STXBP2: variants seen among roughly 807,000 people sequenced by gnomAD.
STXBP2 encodes syntaxin-binding protein 2.
A neutral mutation model predicts 72.2 loss-of-function variants in STXBP2; 47 were observed. The ratio of observed to expected loss-of-function variants is 0.65; its 90% CI spans 0.51 to 0.83. The LOEUF (loss-of-function observed/expected upper bound fraction) is 0.83, where lower values mean the gene tolerates loss of function less well. Ranked by LOEUF, STXBP2 falls within the 40% of genes least tolerant of loss-of-function variation. The probability of loss-of-function intolerance (pLI) is 0.00; values close to 1 mark genes in which losing one functional copy is unlikely to be tolerated. For synonymous variants in STXBP2, 367 were observed against 338.7 expected, an observed-to-expected ratio of 1.08 and a Z score of -0.92; for missense variants, 702 against 807.6, an observed-to-expected ratio of 0.87 and a Z score of 1.58.
At position 7,637,140 on chromosome 19, in the gene STXBP2, C is replaced by T. The variant is rs558176280; in HGVS notation, c.-10C>T. The T allele has an allele frequency of 1.5e-5, 18 of 1,240,996 alleles. No homozygotes were observed. In the East Asian group the frequency reaches 2.5e-4, roughly 17 times the overall value. The allele number at this position is 1,240,996 out of a possible 1,614,324, so 76.9% of individuals were successfully genotyped here. ...ACACCCGGAAGCGGCGGCGGCGCCC[C>T]TCGGGGAAGATGGCGCCCTCGGGGC... is the stretch of plus-strand genomic sequence containing the variant. On this transcript the variant is annotated 5_prime_UTR_variant, in exon 1 of 19. Transcript: ENST00000221283.
rs112329192 is a variant in STXBP2 at position 7,646,871 on chromosome 19, C to T, written c.1453-291C>T. 5,135 of 544,326 alleles carry T rather than the reference C, an allele frequency of 9.4e-3. 223 individuals are homozygous for T. The highest frequency in any genetic ancestry group is 0.087 in the African/African-American group (4,621 of 52,848). The allele number at this position is 544,326 out of a possible 1,614,324, so 33.7% of individuals were successfully genotyped here. A position where few individuals can be genotyped will look rare whatever the true frequency, so the allele number is the denominator to read the frequency against. On this transcript the variant is annotated intron_variant, in intron 16 of 18. Coordinates refer to ENST00000221283, the MANE Select transcript of STXBP2 (RefSeq NM_006949.4). Reference sequence around the variant, plus strand: ...GCTGGGGGTATTGACTGATGGTCCCCAAGGGCCTGGAGGCCCAGACTACTG... The same window carrying T: ...GCTGGGGGTATTGACTGATGGTCCCTAAGGGCCTGGAGGCCCAGACTACTG...
intron 4 of STXBP2, chr19:7,640,525 CGT>C (rs1158778625): frequency 1.5e-6 from 1 of 671,616 alleles, no homozygotes; most frequent in Admixed American, 2.1e-5. Flanking sequence ...TGTGTGCATG[CGT>C]GTGTATGTGT....
Position 7,642,641 on chromosome 19 carries a change from C to A in STXBP2, c.902+105C>A. ...CCAAGTCTTTGGCCCTCATGAGCAC[C>A]CCTCGTGTGACTCCAGACTGGCCTC... On this transcript the variant is annotated intron_variant, in intron 10 of 18. Coordinates refer to ENST00000221283, the MANE Select transcript of STXBP2 (RefSeq NM_006949.4). This position sits in a 1 kb window ranked among gnomAD's most constrained non-coding sequence, Gnocchi z 6.0. 6.7e-7 allele frequency: 1 copy of A among 1,498,714 alleles called. No homozygotes were observed. Among genetic ancestry groups the A allele is most frequent in the Non-Finnish European group, 9.3e-7 (1 of 1,079,918 alleles). 92.8% of individuals were successfully genotyped at this position (1,498,714 alleles called of 1,614,324 possible). A position where few individuals can be genotyped will look rare whatever the true frequency, so the allele number is the denominator to read the frequency against.
chr19:7,643,597 AATGGAGCCTTGGAGAG>A (rs2031984763), intron 13 of STXBP2, among the ~76,000 whole-genome samples: 2 of 112,164 alleles, frequency 1.8e-5, no homozygotes, highest in Non-Finnish European at 3.8e-5. Context: ...CTGGGAGAGG[AATGGAGCCTTGGAGAG>A]GTGGGACCTG....
Position 7,637,389 on chromosome 19 carries a change from TGGG to T in STXBP2, c.37+207_37+209del, listed in dbSNP as rs2031590029. 2.0e-5 allele frequency among the ~76,000 whole-genome samples: 3 copies of T among 151,632 alleles called. No individual in the cohort carries two copies. The South Asian group carries it at 6.3e-4, about 32-fold the overall frequency. On this transcript the variant is annotated intron_variant, in intron 1 of 18. Coordinates refer to ENST00000221283, the MANE Select transcript of STXBP2 (RefSeq NM_006949.4). ...CTCCGGTGCCAGAACAGAACAAAAT[TGGG>T]GGGCCGGACTCCGGGGACCCAAAGG...
At chr19:7,629,909 G>C in the STXBP2 span, 1 of 1,486,590 alleles carries the variant, frequency 6.7e-7, no homozygotes, top group Non-Finnish European at 8.9e-7. Context: ...GGATCTTCCT[G>C]GATCTGAAGA....
the STXBP2 span, chr19:7,630,393 T>G: frequency 1.7e-6 from 1 of 602,358 alleles, no homozygotes; most frequent in Non-Finnish European, 3.0e-6. Flanking sequence ...GCCTCCTGGA[T>G]TATAGGAGTT....
the STXBP2 span, chr19:7,630,460 C>T: frequency 3.7e-6 from 3 of 802,302 alleles, no homozygotes; most frequent in African/African-American, 1.7e-5. Flanking sequence ...ATTCTTGGGT[C>T]GGCCGTAACG....
At chr19:7,631,399 CGGGG>C in the STXBP2 span, 1 of 583,178 alleles carries the variant, frequency 1.7e-6, no homozygotes, top group Non-Finnish European at 2.4e-6. Context: ...GAGAGGTGGG[CGGGG>C]GGGGGTGGTC....
rs2031924729 is a variant in STXBP2, at chr19:7,642,387, C to G, written c.795-42C>G. 1.1e-5 allele frequency: 17 copies of G among 1,613,262 alleles called. No homozygotes were observed. The highest frequency in any genetic ancestry group is 1.4e-5 in the Non-Finnish European group (17 of 1,179,406). On this transcript the variant is annotated intron_variant, in intron 9 of 18. Coordinates refer to ENST00000221283, the MANE Select transcript of STXBP2 (RefSeq NM_006949.4). This position sits in a 1 kb window ranked among gnomAD's most constrained non-coding sequence, Gnocchi z 6.0. ...CTTGCCACTGACCTGGTTCCCCAGT[C>G]CTCAGCTCCCCTGACCCCCAGGCTC...
chr19:7,631,482 A>C, the STXBP2 span: 1 of 1,535,520 alleles, frequency 6.5e-7, no homozygotes, highest in South Asian at 1.2e-5. Context: ...GCTTCAAGAG[A>C]TAGAGGAATT....
chr19:7,647,660 G>A (rs544187088), intron 18 of STXBP2, 65 bp from the exon 19 acceptor site: 36 of 1,603,988 alleles, frequency 2.2e-5, no homozygotes, highest in Admixed American at 1.5e-4. Flanking sequence ...AGCCGGGACC[G>A]GGAGCCTGTC....
intron 2 of STXBP2, 111 bp from the exon 3 acceptor site, chr19:7,638,908 C>T (rs74176243): frequency 6.4e-7 from 1 of 1,558,592 alleles, no homozygotes; most frequent in South Asian, 1.1e-5. Flanking sequence ...TCTGGGTCCT[C>T]CCACCCAGCC....
chr19:7,630,838 C>T, the STXBP2 span: 1 of 1,537,174 alleles, frequency 6.5e-7, no homozygotes, highest in East Asian at 2.4e-5. Flanking sequence ...GCTGTGGCCA[C>T]CTGAGAAGGT....
intron 4 of STXBP2, 62 bp from the exon 5 acceptor site, chr19:7,640,669 C>T: frequency 6.2e-7 from 1 of 1,609,218 alleles, no homozygotes; most frequent in Non-Finnish European, 8.5e-7. Flanking sequence ...GCTGGGAGGC[C>T]TAGGCAGCCA....
At chr19:7,639,453 C>G in intron 3 of STXBP2, 1 of 574,190 alleles carries the variant, frequency 1.7e-6, no homozygotes, top group Non-Finnish European at 3.1e-6. Context: ...AGGTGGTGTC[C>G]CAGTCACTTT....
upstream of STXBP2, chr19:7,632,405 G>A (rs139352632): frequency 1.9e-4 from 301 of 1,613,786 alleles, no homozygotes; most frequent in Non-Finnish European, 6.9e-5. The surrounding 1 kb of genome is among the most constrained non-coding windows in gnomAD (Gnocchi z 5.2). Context: ...TGGACCCCAC[G>A]GGCTGGAAGC....
At chr19:7,632,390 T>C (rs750058181), upstream of STXBP2, 25 of 1,613,666 alleles carry the variant, frequency 1.5e-5, no homozygotes, top group Non-Finnish European at 2.1e-5. This position sits in a 1 kb window ranked among gnomAD's most constrained non-coding sequence, Gnocchi z 5.2. Context: ...GAACATCACC[T>C]ACCTTGGACC....
At position 7,637,221 on chromosome 19, in the gene STXBP2, G is replaced by A. The variant is rs543892222; in HGVS notation, c.37+35G>A. On this transcript the variant is annotated intron_variant, in intron 1 of 18. Transcript: ENST00000221283. ...TCTCCGGGGCCGGGCTCTGGCGTCC[G>A]GTGTGGGACGGGGGTCGGGGACGCA... 3.9e-5 allele frequency: 48 copies of A among 1,237,316 alleles called. No homozygotes were observed. In the African/African-American group the frequency reaches 6.8e-4, roughly 18 times the overall value. 76.6% of individuals were successfully genotyped at this position (1,237,316 alleles called of 1,614,324 possible).
Sources: allele counts gnomAD v4.1 joint callset (sites outside exome capture counted in the v4.1 genomes callset), GRCh38; gene constraint gnomAD v4.1.1; non-coding constraint Gnocchi (gnomAD v3.1); transcripts MANE v1.5; gene names NCBI Gene and HGNC (gene_info 2026-07-23, HGNC 2026-07-21).